Variants in C1RL observed in about 807,000 individuals in gnomAD.
C1RL encodes complement C1r subcomponent like.
In C1RL, 27 loss-of-function variants were observed where a neutral mutation model predicts 27.9. The ratio of observed to expected loss-of-function variants is 0.97; its 90% CI spans 0.71 to 1.33. The LOEUF (loss-of-function observed/expected upper bound fraction) is 1.33. Ranked by LOEUF, C1RL falls within the 40% of genes most tolerant of loss-of-function variation. C1RL has a pLI of 0.00. For missense variants in C1RL, 563 were observed against 623.9 expected (o/e 0.90, Z 1.04); for synonymous variants, 248 against 252.1 (o/e 0.98, Z 0.15).
In C1RL at chr12:7,097,115, C is replaced by T. The variant is rs779518523; in HGVS notation, c.740G>A (p.Gly247Asp). The change falls in exon 6 of 6, where the codon GGT becomes GAT. Residue 247 changes from glycine (G) to aspartate (D), a missense_variant. Physicochemically the swap from Gly to Asp is moderately conservative, Grantham distance 94 (BLOSUM62 -1). Coordinates refer to ENST00000266542, the MANE Select transcript of C1RL (RefSeq NM_016546.4). Reference protein sequence around the residue: ...TPIAQNQTTLGSSRAKLGNFP... With the variant: ...TPIAQNQTTLDSSRAKLGNFP... Reference sequence around the variant, plus strand: ...GTTGCCCAGCTTGGCTCTGGAAGAACCGAGGGTCGTCTGATTCTGGGCAAT... The same window carrying T: ...GTTGCCCAGCTTGGCTCTGGAAGAATCGAGGGTCGTCTGATTCTGGGCAAT... 1 of 1,613,442 alleles carries T rather than the reference C, an allele frequency of 6.2e-7. No individual in the cohort carries two copies. Among genetic ancestry groups the T allele is most frequent in the Non-Finnish European group, 8.5e-7 (1 of 1,179,692 alleles).
chr12:7,097,053 C>A lies in C1RL; in HGVS notation c.802G>T (p.Gly268Trp), dbSNP rs1201433756. Residue 268 changes from glycine (G) to tryptophan (W), a missense_variant, in exon 6 of 6, where the codon GGG becomes TGG. Coordinates refer to ENST00000266542, the MANE Select transcript of C1RL (RefSeq NM_016546.4). Reference protein sequence around the residue: ...WQAFTSIHGRGGGALLGDRWI... With the variant: ...WQAFTSIHGRWGGALLGDRWI... ...CTGTCCCCCAGCAGGGCCCCGCCCC[C>A]ACGGCCGTGGATACTGGTGAAGGCT... The A allele has an allele frequency of 1.2e-6, 2 of 1,614,154 alleles. No homozygotes were observed. Among genetic ancestry groups the A allele is most frequent in the Admixed American group, 1.7e-5 (1 of 60,028 alleles).
intron 2 of C1RL, among the ~76,000 whole-genome samples, chr12:7,106,194 GGAAT>G (rs1247821227): frequency 6.6e-6 from 1 of 152,056 alleles, no homozygotes; most frequent in African/African-American, 2.4e-5. Flanking sequence ...CAAAGGATTA[GGAAT>G]GATAAGGGCA....
In C1RL at chr12:7,095,198, C is replaced by T. The variant is rs756696590; in HGVS notation, c.*1193G>A. 1.0e-6 allele frequency: 1 copy of T among 998,744 alleles called. No individual in the cohort carries two copies. Among genetic ancestry groups the T allele is most frequent in the South Asian group, 1.6e-5 (1 of 62,704 alleles). 61.9% of individuals were successfully genotyped at this position (998,744 alleles called of 1,614,324 possible). On this transcript the variant is annotated 3_prime_UTR_variant, in exon 6 of 6. Coordinates refer to ENST00000266542, the MANE Select transcript of C1RL (RefSeq NM_016546.4). ...TGGCGTGATCTTAGCTCACTGCAAC[C>T]TCCGCCTCCCAGGTTCAAGTGATTC...
intron 5 of C1RL, chr12:7,099,372 G>T: frequency 3.0e-6 from 2 of 662,650 alleles, no homozygotes; most frequent in Non-Finnish European, 1.9e-6. Context: ...GAGCCTGTCG[G>T]TATATCCTTA....
Position 7,094,868 on chromosome 12 carries a change from T to C in C1RL, c.*1523A>G. The C allele has an allele frequency of 2.0e-6, 2 of 1,007,566 alleles. No homozygotes were observed. The highest frequency in any genetic ancestry group is 1.2e-6 in the Non-Finnish European group (1 of 842,702). The allele number at this position is 1,007,566 out of a possible 1,614,324, so 62.4% of individuals were successfully genotyped here. ...GGCTGGGGGTATAAGTGTGCATCAT[T>C]GCACCTGCCTTTTGGGAATATTTTT... On this transcript the variant is annotated 3_prime_UTR_variant, in exon 6 of 6. Transcript: ENST00000266542.
rs138259667 is a variant in C1RL at position 7,095,395 on chromosome 12, T to C, written c.*996A>G. The C allele has an allele frequency of 0.014, 14,143 of 1,010,100 alleles. 145 individuals carry two copies. Among genetic ancestry groups the C allele is most frequent in the Admixed American group, 0.027 (454 of 17,126 alleles). The allele number at this position is 1,010,100 out of a possible 1,614,324, so 62.6% of individuals were successfully genotyped here. A position where few individuals can be genotyped will look rare whatever the true frequency, so the allele number is the denominator to read the frequency against. ...TCCTAAGGTGTTGGGATTACAGGCGTGAGCCACTGCGCCCGGCCCATCACC... is the reference window on the plus strand; with the variant it reads ...TCCTAAGGTGTTGGGATTACAGGCGCGAGCCACTGCGCCCGGCCCATCACC... On this transcript the variant is annotated 3_prime_UTR_variant, in exon 6 of 6. Coordinates refer to ENST00000266542, the MANE Select transcript of C1RL (RefSeq NM_016546.4).
intron 2 of C1RL, among the ~76,000 whole-genome samples, chr12:7,102,495 C>T (rs1279635948): frequency 5.3e-5 from 8 of 152,198 alleles, no homozygotes; most frequent in African/African-American, 1.9e-4. Context: ...ACAGCGTTGA[C>T]TCAATGAACA....
At chr12:7,108,986 TGTGGGG>T in intron 1 of C1RL, 118 bp downstream of exon 1, 3 of 122,702 alleles carry the variant, frequency 2.4e-5, no homozygotes, top group East Asian at 1.5e-4. Flanking sequence ...TGTGTGTGTG[TGTGGGG>T]GGGGGGGGGA....
rs762993498 is a variant in C1RL, at chr12:7,096,933, T to C, written c.922A>G (p.Ile308Val). Residue 308 changes from isoleucine to valine, a missense_variant, in exon 6 of 6, where the codon ATA becomes GTA. Ile to Val is a conservative substitution (Grantham distance 29). Transcript: ENST00000266542. ...SVNVFLGHTA[I>V]DEMLKLGNHP... is the part of the protein sequence containing the mutation. ...TTCCCCAGTTTCAGCATCTCATCTA[T>C]GGCTGTGTGGCCCAAGAACACATTC... is the stretch of plus-strand genomic sequence containing the variant. 9.3e-6 allele frequency: 15 copies of C among 1,610,910 alleles called. No individual in the cohort carries two copies. Among genetic ancestry groups the C allele is most frequent in the Admixed American group, 1.7e-5 (1 of 59,800 alleles).
chr12:7,102,119 T>G (rs775767634), intron 2 of C1RL, 32 bp from the exon 3 acceptor site: 24 of 1,591,012 alleles, frequency 1.5e-5, no homozygotes, highest in Non-Finnish European at 8.6e-7. Flanking sequence ...AGGCTGCAGA[T>G]AGGTGTGGGG....
Position 7,094,700 on chromosome 12 carries a change from C to A in C1RL, c.*1691G>T. The A allele has an allele frequency of 1.0e-6, 1 of 981,424 alleles. No homozygotes were observed. Among genetic ancestry groups the A allele is most frequent in the Non-Finnish European group, 1.2e-6 (1 of 826,352 alleles). 60.8% of individuals were successfully genotyped at this position (981,424 alleles called of 1,614,324 possible). A position where few individuals can be genotyped will look rare whatever the true frequency, so the allele number is the denominator to read the frequency against. ...AGAGAATAGTGGAAAACCAAACAGCCAAAATCTTATCAATAAAACCACCTC... is the reference window on the plus strand; with the variant it reads ...AGAGAATAGTGGAAAACCAAACAGCAAAAATCTTATCAATAAAACCACCTC... On this transcript the variant is annotated 3_prime_UTR_variant, in exon 6 of 6. Coordinates refer to ENST00000266542, the MANE Select transcript of C1RL (RefSeq NM_016546.4).
rs1244577805 is a variant in C1RL, at chr12:7,108,366, C to A, written c.185G>T (p.Gly62Val). The change falls in exon 2 of 6, where the codon GGC (glycine) becomes GTC (valine). Residue 62 changes from glycine (G) to valine (V), a missense_variant. Coordinates refer to ENST00000266542, the MANE Select transcript of C1RL (RefSeq NM_016546.4). ...GTCCGTGCTGCTCTCTTGGCCTTTGCCATACGGCTCTGGGTACCCGGGGGA... is the reference window on the plus strand; with the variant it reads ...GTCCGTGCTGCTCTCTTGGCCTTTGACATACGGCTCTGGGTACCCGGGGGA... ...LTSPGYPEPY[G>V]KGQESSTDIK... 1.2e-6 allele frequency: 2 copies of A among 1,614,116 alleles called. No homozygotes were observed. Among genetic ancestry groups the A allele is most frequent in the African/African-American group, 2.7e-5 (2 of 74,960 alleles).
rs778097895 is a variant in C1RL at position 7,096,450 on chromosome 12, A to G, written c.1405T>C (p.Tyr469His). 2 of 1,614,020 alleles carry G rather than the reference A, an allele frequency of 1.2e-6. No homozygotes were observed. Among genetic ancestry groups the G allele is most frequent in the Admixed American group, 3.3e-5 (2 of 60,006 alleles). ...TCCACATAGCTGAGCACCTTGGTGT[A>G]GAAGTCATACCCTTCGCCACACCCT... The part of the protein sequence containing the change: ...GIGCGEGYDF[Y>H]TKVLSYVDWI... The change falls in exon 6 of 6, where the codon TAC becomes CAC. Residue 469 changes from tyrosine (Y) to histidine (H), a missense_variant. Coordinates refer to ENST00000266542, the MANE Select transcript of C1RL (RefSeq NM_016546.4).
At position 7,096,286 on chromosome 12, in the gene C1RL, A is replaced by ACCCCCCCCCCCCC; in HGVS notation, c.*104_*105insGGGGGGGGGGGGG. 7 of 113,506 alleles carry ACCCCCCCCCCCCC rather than the reference A, an allele frequency of 6.2e-5. No individual in the cohort carries two copies. The highest frequency in any genetic ancestry group is 4.4e-4 in the South Asian group (2 of 4,586). 7.0% of individuals were successfully genotyped at this position (113,506 alleles called of 1,614,324 possible). ...TGAATAGGATTTCCCTGCCTCCCCC[A>ACCCCCCCCCCCCC]ACCCCCCACCCCCAACCCCTACCCC... On this transcript the variant is annotated 3_prime_UTR_variant, in exon 6 of 6. Transcript: ENST00000266542.
chr12:7,099,861 G>A, intron 4 of C1RL, 40 bp downstream of exon 4: 1 of 1,613,116 alleles, frequency 6.2e-7, no homozygotes, highest in Non-Finnish European at 8.5e-7. Context: ...GGGTGGGAAT[G>A]AGGTGGATGG....
Position 7,108,254 on chromosome 12 carries a change from G to A in C1RL, c.297C>T (p.Val99=). 6.2e-7 allele frequency: 1 copy of A among 1,602,632 alleles called. No individual in the cohort carries two copies. The highest frequency in any genetic ancestry group is 8.5e-7 in the Non-Finnish European group (1 of 1,173,074). The change falls in exon 2 of 6, where the codon GTC becomes GTT. Residue 99 remains valine (V), a synonymous_variant. Transcript: ENST00000266542. ...ACCCCCCCCATCCCCAGCTCACTGT[G>A]ACAGAGTCCCCTGCACAGTCCTGGG... is the stretch of plus-strand genomic sequence containing the variant. ...EPSQDCAGDS[V]TISFVGSDPS... is the part of the protein sequence containing the mutation.
Position 7,096,280 on chromosome 12 carries a change from T to TAG in C1RL, c.*110_*111insCT. The TAG allele has an allele frequency of 1.0e-6, 1 of 992,734 alleles. No homozygotes were observed. The highest frequency in any genetic ancestry group is 1.2e-6 in the Non-Finnish European group (1 of 832,238). 61.5% of individuals were successfully genotyped at this position (992,734 alleles called of 1,614,324 possible). On this transcript the variant is annotated 3_prime_UTR_variant, in exon 6 of 6. Transcript: ENST00000266542. ...GTGATGTGAATAGGATTTCCCTGCC[T>TAG]CCCCCAACCCCCCACCCCCAACCCC...
chr12:7,096,797 G>T lies in C1RL; in HGVS notation c.1058C>A (p.Pro353His). 1.4e-5 allele frequency: 22 copies of T among 1,604,646 alleles called. No homozygotes were observed. The highest frequency in any genetic ancestry group is 1.8e-5 in the Non-Finnish European group (21 of 1,174,812). The change falls in exon 6 of 6, where the codon CCC (proline) becomes CAC (histidine). Residue 353 changes from proline (P) to histidine (H), a missense_variant. By Grantham distance (77) the Pro-to-His change is moderately conservative. Coordinates refer to ENST00000266542, the MANE Select transcript of C1RL (RefSeq NM_016546.4). ...LELQHSIPLG[P>H]NVLPVCLPDN... ...GGGCAGACAGACCGGGAGGACGTTG[G>T]GGCCCAGGGGGATGCTGTGCTGCAG...
chr12:7,096,942 G>A lies in C1RL; in HGVS notation c.913C>T (p.His305Tyr), dbSNP rs759804213. 1.2e-6 allele frequency: 2 copies of A among 1,611,996 alleles called. No homozygotes were observed. Among genetic ancestry groups the A allele is most frequent in the East Asian group, 2.2e-5 (1 of 44,852 alleles). ...TTCAGCATCTCATCTATGGCTGTGT[G>A]GCCCAAGAACACATTCACACTCTGG... is the stretch of plus-strand genomic sequence containing the variant. ...KNQSVNVFLGHTAIDEMLKLG... is the reference protein window; with the variant it reads ...KNQSVNVFLGYTAIDEMLKLG... Residue 305 changes from histidine (H) to tyrosine (Y), a missense_variant, in exon 6 of 6, where the codon CAC becomes TAC. Transcript: ENST00000266542.
Sources: allele counts gnomAD v4.1 joint callset (sites outside exome capture counted in the v4.1 genomes callset), GRCh38; gene constraint gnomAD v4.1.1; transcripts MANE v1.5; gene names NCBI Gene and HGNC (gene_info 2026-07-23, HGNC 2026-07-21).